SETBP1: variants seen among roughly 807,000 people sequenced by gnomAD.
SETBP1 encodes SET-binding protein.
SETBP1 carries 9 observed loss-of-function variants against 101.0 expected under a neutral mutation model. The observed-to-expected ratio is 0.09, with a 90% confidence interval of 0.05 to 0.16. The LOEUF is 0.16. SETBP1 is among the 10% of genes least tolerant of loss of function. The pLI is 1.00. For synonymous variants in SETBP1, 818 were observed against 788.5 expected (o/e 1.04, Z -0.63); for missense variants, 1,858 against 2,033.8 (o/e 0.91, Z 1.66).
chr18:44,727,130 C>G (rs2069726125), intron 2 of SETBP1, among the ~76,000 whole-genome samples: 1 of 151,446 alleles, frequency 6.6e-6, no homozygotes, highest in Non-Finnish European at 1.5e-5. Context: ...ATTTGGATAA[C>G]TCAGTGTTTG....
At chr18:44,947,258 G>A (rs901979857) in intron 3 of SETBP1, among the ~76,000 whole-genome samples, 4 of 151,958 alleles carry the variant, frequency 2.6e-5, no homozygotes, top group East Asian at 3.9e-4. Flanking sequence ...GCCAGAACAC[G>A]AAAAAAACAT....
At chr18:44,808,189 C>T (rs759599856) in intron 2 of SETBP1, among the ~76,000 whole-genome samples, 6 of 152,160 alleles carry the variant, frequency 3.9e-5, no homozygotes, top group Non-Finnish European at 5.9e-5. Flanking sequence ...TCTATCCACA[C>T]GATTGTAAAT....
chr18:44,976,769 A>C (rs1319928528), intron 4 of SETBP1, among the ~76,000 whole-genome samples: 1 of 152,228 alleles, frequency 6.6e-6, no homozygotes, highest in Non-Finnish European at 1.5e-5. Context: ...TATGTGATTA[A>C]TTATACAGAG....
At chr18:44,893,213 CAG>C (rs2069812867) in intron 3 of SETBP1, among the ~76,000 whole-genome samples, 1 of 152,148 alleles carries the variant, frequency 6.6e-6, no homozygotes, top group African/African-American at 2.4e-5. Context: ...AGGGTTAGAA[CAG>C]ATCCTGTCAC....
At chr18:45,050,945 C>T (rs1369299258) in intron 5 of SETBP1, among the ~76,000 whole-genome samples, 1 of 152,176 alleles carries the variant, frequency 6.6e-6, no homozygotes, top group Non-Finnish European at 1.5e-5. Context: ...TTTGTTAGTG[C>T]CTACCTAGTC....
In SETBP1 at chr18:44,941,142, C is replaced by T. The variant is rs551083816; in HGVS notation, c.541-8739C>T. On this transcript the variant is annotated intron_variant, in intron 3 of 5. Transcript: ENST00000649279. ...TTGTTGCCAGGCTGGAGTGCAGTGG[C>T]GCCATCTCACCTCACTGCAACCTCC... Among the ~76,000 whole-genome samples, 107 of 134,388 alleles carry T rather than the reference C, an allele frequency of 8.0e-4. 2 individuals carry two copies. The highest frequency in any genetic ancestry group is 2.1e-3 in the African/African-American group (73 of 35,304). The allele number at this position is 134,388 out of a possible 152,430, so 88.2% of individuals were successfully genotyped here. A position where few individuals can be genotyped will look rare whatever the true frequency, so the allele number is the denominator to read the frequency against.
In SETBP1 at chr18:45,063,197, G is replaced by A. The variant is rs139896661; in HGVS notation, c.4290G>A (p.Val1430=). The change falls in exon 6 of 6, where the codon GTG becomes GTA. Residue 1430 remains valine, a synonymous_variant. Coordinates refer to ENST00000649279, the MANE Select transcript of SETBP1 (RefSeq NM_015559.3). ...CCACCAAGAAGAACCTGGACCACGTGAACAAGATCCTGAAGGCCAAGCGGC... is the reference window on the plus strand; with the variant it reads ...CCACCAAGAAGAACCTGGACCACGTAAACAAGATCCTGAAGGCCAAGCGGC... ...ILSTKKNLDH[V]NKILKAKRLQ... 3.9e-4 allele frequency: 631 copies of A among 1,613,838 alleles called. 1 individual carries two copies. Among genetic ancestry groups the A allele is most frequent in the Non-Finnish European group, 3.4e-4 (401 of 1,179,982 alleles).
intron 3 of SETBP1, chr18:44,869,603 G>A (rs548862874): frequency 5.6e-6 from 2 of 354,086 alleles, no homozygotes; most frequent in Admixed American, 7.5e-5. Context: ...CAGAGGGTGG[G>A]TTGGGTTTGG....
chr18:44,877,621 T>G (rs548809088), intron 3 of SETBP1, among the ~76,000 whole-genome samples: 4 of 152,316 alleles, frequency 2.6e-5, no homozygotes, highest in Admixed American at 2.6e-4. Context: ...CAGGGCATTT[T>G]TAACAAAAAT....
chr18:44,971,326 C>T (rs1329407587), intron 4 of SETBP1, among the ~76,000 whole-genome samples: 1 of 152,198 alleles, frequency 6.6e-6, no homozygotes, highest in Non-Finnish European at 1.5e-5. Context: ...ACTAGTGCCA[C>T]AGTAAACATA....
chr18:45,034,073 T>C (rs1416420628), intron 4 of SETBP1, among the ~76,000 whole-genome samples: 1 of 152,192 alleles, frequency 6.6e-6, no homozygotes, highest in African/African-American at 2.4e-5. Context: ...GCAGAGCTCA[T>C]TAAAGGGATC....
At chr18:45,011,119 T>C (rs17727782) in intron 4 of SETBP1, among the ~76,000 whole-genome samples, 3,269 of 152,238 alleles carry the variant, frequency 0.021, 61 homozygotes, top group South Asian at 0.061. Flanking sequence ...AAATAAGATA[T>C]AAACACGTGA....
intron 5 of SETBP1, among the ~76,000 whole-genome samples, chr18:45,043,365 T>TCTCA (rs758110461): frequency 6.9e-6 from 1 of 144,222 alleles, no homozygotes; most frequent in Non-Finnish European, 1.5e-5. Context: ...TCTCTCTCTC[T>TCTCA]CACACACTCA....
intron 2 of SETBP1, among the ~76,000 whole-genome samples, chr18:44,814,040 C>T (rs1254683221): frequency 2.6e-5 from 4 of 152,066 alleles, no homozygotes; most frequent in Admixed American, 2.6e-4. Flanking sequence ...TCCAGAAACC[C>T]CCAATCTAGT....
At chr18:44,826,657 T>G (rs1307116502) in intron 2 of SETBP1, among the ~76,000 whole-genome samples, 3 of 152,084 alleles carry the variant, frequency 2.0e-5, no homozygotes, top group Non-Finnish European at 4.4e-5. Flanking sequence ...TTGTCGTTGT[T>G]GAAGGGAGCG....
intron 2 of SETBP1, among the ~76,000 whole-genome samples, chr18:44,720,905 C>T (rs868427027): frequency 8.5e-5 from 8 of 93,894 alleles, no homozygotes; most frequent in Non-Finnish European, 1.8e-4. Flanking sequence ...CCTCCAACCC[C>T]CACCCCCCAC....
intron 2 of SETBP1, among the ~76,000 whole-genome samples, chr18:44,864,131 C>T (rs537351519): frequency 2.6e-5 from 4 of 152,046 alleles, no homozygotes; most frequent in Non-Finnish European, 5.9e-5. Context: ...AATGGAGTCA[C>T]CTCCTCCCCT....
intron 2 of SETBP1, among the ~76,000 whole-genome samples, chr18:44,725,988 T>C (rs979905104): frequency 6.6e-6 from 1 of 152,182 alleles, no homozygotes; most frequent in African/African-American, 2.4e-5. Context: ...GATGGGCATC[T>C]CCTGGCTCTC....
In SETBP1 at chr18:44,952,929, C is replaced by T. The variant is rs1192341884; in HGVS notation, c.3589C>T (p.Leu1197Phe). The T allele has an allele frequency of 1.2e-6, 2 of 1,614,062 alleles. No homozygotes were observed. Among genetic ancestry groups the T allele is most frequent in the African/African-American group, 1.3e-5 (1 of 74,926 alleles). Residue 1197 changes from leucine to phenylalanine, a missense_variant, in exon 4 of 6, where the codon CTC becomes TTC. Leu to Phe is a conservative substitution (Grantham distance 22). Coordinates refer to ENST00000649279, the MANE Select transcript of SETBP1 (RefSeq NM_015559.3). ...SERLSSADKE[L>F]PLVSEKNKHK... The stretch of plus-strand genomic sequence containing the variant: ...GCGGCTGAGTAGCGCAGACAAAGAG[C>T]TCCCGCTGGTGAGTGAGAAGAACAA...
Sources: allele counts gnomAD v4.1 joint callset (sites outside exome capture counted in the v4.1 genomes callset), GRCh38; gene constraint gnomAD v4.1.1; transcripts MANE v1.5; gene names NCBI Gene and HGNC (gene_info 2026-07-23, HGNC 2026-07-21).